The following ZKSCAN5 variants were observed in gnomAD, a reference collection of about 807,000 sequenced individuals.
ZKSCAN5 encodes zinc finger with KRAB and SCAN domains 5.
ZKSCAN5 carries 28 observed loss-of-function variants against 60.0 expected under a neutral mutation model. That is an observed-to-expected ratio of 0.47 (90% CI 0.35 to 0.64). ZKSCAN5 has a LOEUF of 0.64. Ranked by LOEUF, ZKSCAN5 falls within the 30% of genes least tolerant of loss-of-function variation. The pLI is 0.01. For missense variants in ZKSCAN5, 881 were observed against 1,034.6 expected, an observed-to-expected ratio of 0.85 and a Z score of 2.04; for synonymous variants, 361 against 371.2, an observed-to-expected ratio of 0.97 and a Z score of 0.31.
intron 3 of ZKSCAN5, among the ~76,000 whole-genome samples, chr7:99,514,927 T>A (rs80050683): frequency 2.1e-5 from 3 of 142,072 alleles, no homozygotes; most frequent in Admixed American, 7.0e-5. Context: ...AAAAAAAAAA[T>A]GTATTAGCTA....
chr7:99,507,091 C>G (rs1187762898), intron 2 of ZKSCAN5, among the ~76,000 whole-genome samples: 1 of 152,190 alleles, frequency 6.6e-6, no homozygotes, highest in African/African-American at 2.4e-5. Context: ...CAATTTCTCT[C>G]AACTGCCTAG....
chr7:99,509,602 G>A (rs1455177671), intron 2 of ZKSCAN5, among the ~76,000 whole-genome samples: 2 of 151,852 alleles, frequency 1.3e-5, no homozygotes, highest in African/African-American at 2.4e-5. Context: ...AAGTAGCTGG[G>A]ACTACAGGCA....
rs1253862394 is a variant in ZKSCAN5, at chr7:99,533,233, G to T, written c.*984G>T. 19 of 682,416 alleles carry T rather than the reference G, an allele frequency of 2.8e-5. No individual in the cohort carries two copies. Among genetic ancestry groups the T allele is most frequent in the Non-Finnish European group, 3.8e-5 (14 of 372,504 alleles). The allele number at this position is 682,416 out of a possible 1,614,324, so 42.3% of individuals were successfully genotyped here. On this transcript the variant is annotated 3_prime_UTR_variant, in exon 7 of 7. Transcript: ENST00000326775. ...TGAGTTTCAGTTTGCATTGCAGCTGGGATTGAAAGTAATCAGTCGTGAGCA... is the reference window on the plus strand; with the variant it reads ...TGAGTTTCAGTTTGCATTGCAGCTGTGATTGAAAGTAATCAGTCGTGAGCA...
At chr7:99,529,571 A>G (rs1801952066) in intron 6 of ZKSCAN5, among the ~76,000 whole-genome samples, 1 of 152,184 alleles carries the variant, frequency 6.6e-6, no homozygotes, top group South Asian at 2.1e-4. Flanking sequence ...TCCTTTGTGT[A>G]GATATACCCA....
rs1584159355 is a variant in ZKSCAN5, at chr7:99,506,254, A to G, written c.210A>G (p.Gln70=). 1.9e-6 allele frequency: 3 copies of G among 1,614,128 alleles called. No individual in the cohort carries two copies. Among genetic ancestry groups the G allele is most frequent in the East Asian group, 4.5e-5 (2 of 44,878 alleles). ...EASGPREALS[Q]LRVLCCEWLR... ...CAGGACCCCGGGAGGCTCTCAGCCA[A>G]CTCCGGGTGCTCTGCTGTGAGTGGC... The change falls in exon 2 of 7, where the codon CAA becomes CAG. Residue 70 remains glutamine (Q), a synonymous_variant. Coordinates refer to ENST00000326775, the MANE Select transcript of ZKSCAN5 (RefSeq NM_145102.4).
chr7:99,515,452 G>C (rs1005240043), intron 3 of ZKSCAN5, among the ~76,000 whole-genome samples: 3 of 151,940 alleles, frequency 2.0e-5, no homozygotes, highest in Non-Finnish European at 4.4e-5. Context: ...GAAACCACTA[G>C]GATTGTGTGC....
intron 3 of ZKSCAN5, among the ~76,000 whole-genome samples, chr7:99,518,895 C>CT (rs1311915755): frequency 6.6e-6 from 1 of 151,484 alleles, no homozygotes; most frequent in African/African-American, 2.4e-5. Context: ...AGGCTGGTCT[C>CT]TAACTCCTGA....
intron 6 of ZKSCAN5, among the ~76,000 whole-genome samples, chr7:99,528,755 G>A (rs1294123810): frequency 6.6e-6 from 1 of 152,146 alleles, no homozygotes; most frequent in Non-Finnish European, 1.5e-5. Flanking sequence ...ATCAAAGGGG[G>A]AATACATGTT....
Position 99,517,708 on chromosome 7 carries a change from G to A in ZKSCAN5, c.554-2119G>A, listed in dbSNP as rs549731224. Among the ~76,000 whole-genome samples the A allele has an allele frequency of 2.6e-5, 4 of 151,714 alleles. No homozygotes were observed. The South Asian group carries it at 8.3e-4, about 32-fold the overall frequency. On this transcript the variant is annotated intron_variant, in intron 3 of 6. Coordinates refer to ENST00000326775, the MANE Select transcript of ZKSCAN5 (RefSeq NM_145102.4). ...AAAAACAAAACAAAATTAGCCGGGT[G>A]TGGTGGTGGGCGCCTGTAATCCCAG... is the stretch of plus-strand genomic sequence containing the variant.
intron 1 of ZKSCAN5, 59 bp downstream of exon 1, chr7:99,504,792 A>G (rs1043073907): frequency 1.3e-5 from 2 of 152,372 alleles, no homozygotes; most frequent in East Asian, 1.9e-4. Flanking sequence ...AAGAAAACCT[A>G]AGGGCCCCAA....
chr7:99,507,013 A>G (rs1380503904), intron 2 of ZKSCAN5, among the ~76,000 whole-genome samples: 1 of 152,008 alleles, frequency 6.6e-6, no homozygotes, highest in Non-Finnish European at 1.5e-5. Context: ...TTATTTTTTG[A>G]GTGACATGAT....
intron 1 of ZKSCAN5, chr7:99,505,236 G>GTTGGACAGGGCAAGA (rs1021014054): frequency 5.3e-5 from 8 of 151,984 alleles, no homozygotes; most frequent in Admixed American, 2.0e-4. Flanking sequence ...GTTTAACCCC[G>GTTGGACAGGGCAAGA]TTGGACAGGG....
At chr7:99,515,833 C>CAAAA (rs1165846971) in intron 3 of ZKSCAN5, among the ~76,000 whole-genome samples, 2 of 66,778 alleles carry the variant, frequency 3.0e-5, no homozygotes. Flanking sequence ...GACTCCATCT[C>CAAAA]AAAAAAAAAA....
chr7:99,531,255 A>T lies in ZKSCAN5; in HGVS notation c.1526A>T (p.Lys509Met). The T allele has an allele frequency of 6.2e-7, 1 of 1,614,230 alleles. No homozygotes were observed. Among genetic ancestry groups the T allele is most frequent in the Non-Finnish European group, 8.5e-7 (1 of 1,180,040 alleles). Residue 509 changes from lysine (K) to methionine (M), a missense_variant, in exon 7 of 7, where the codon AAG (lysine) becomes ATG (methionine). By Grantham distance (95) the Lys-to-Met change is moderately conservative. Around this residue, in one of 5 missense-constraint regions of ZKSCAN5, gnomAD observed 490 missense variants for 554.5 expected, o/e 0.88. Coordinates refer to ENST00000326775, the MANE Select transcript of ZKSCAN5 (RefSeq NM_145102.4). ...DFGEGCEFQGKLDRKQGIPMK... is the reference protein window; with the variant it reads ...DFGEGCEFQGMLDRKQGIPMK... The stretch of plus-strand genomic sequence containing the variant: ...GGAGAAGGCTGTGAGTTTCAAGGCA[A>T]GCTGGATAGAAAGCAGGGAATTCCC...
chr7:99,519,103 G>A (rs1046750751), intron 3 of ZKSCAN5, among the ~76,000 whole-genome samples: 1 of 151,112 alleles, frequency 6.6e-6, no homozygotes, highest in Non-Finnish European at 1.5e-5. Flanking sequence ...AGCCTCTTGA[G>A]TAGCTGGGAC....
rs767347153 is a variant in ZKSCAN5 at position 99,520,174 on chromosome 7, G to A, written c.642G>A (p.Leu214=). 3.7e-6 allele frequency: 6 copies of A among 1,611,124 alleles called. No individual in the cohort carries two copies. Among genetic ancestry groups the A allele is most frequent in the Non-Finnish European group, 8.5e-7 (1 of 1,179,266 alleles). The part of the protein sequence containing the change: ...ASLLSTGSQK[L]VKIEEVADVA... Reference sequence around the variant, plus strand: ...GTGGAGATCTCCTGTTTCAGAAGTTGGTGAAAATTGAAGAGGTGGCTGATG... The same window carrying A: ...GTGGAGATCTCCTGTTTCAGAAGTTAGTGAAAATTGAAGAGGTGGCTGATG... The change falls in exon 5 of 7, where the codon TTG becomes TTA. Residue 214 remains leucine, a synonymous_variant. Coordinates refer to ENST00000326775, the MANE Select transcript of ZKSCAN5 (RefSeq NM_145102.4).
Position 99,519,828 on chromosome 7 carries a change from C to G in ZKSCAN5, c.555C>G (p.Ala185=), listed in dbSNP as rs765037929. 2 of 1,613,830 alleles carry G rather than the reference C, an allele frequency of 1.2e-6. No individual in the cohort carries two copies. The highest frequency in any genetic ancestry group is 1.7e-6 in the Non-Finnish European group (2 of 1,179,960). ...PQKPRLLEEN[A]LPVLQVPSLP... ...AAACCTCTTTTTCTCCTCCCTTAGCCCTTCCTGTTCTCCAAGTTCCTTCCC... is the reference window on the plus strand; with the variant it reads ...AAACCTCTTTTTCTCCTCCCTTAGCGCTTCCTGTTCTCCAAGTTCCTTCCC... The change falls in exon 4 of 7, where the codon GCC becomes GCG. Residue 185 remains alanine (A), a splice_region_variant and synonymous_variant. Transcript: ENST00000326775.
At chr7:99,521,742 GA>G (rs981622096) in intron 5 of ZKSCAN5, among the ~76,000 whole-genome samples, 4 of 150,924 alleles carry the variant, frequency 2.7e-5, no homozygotes, top group East Asian at 1.9e-4. Context: ...AATTTTTGTG[GA>G]AAAAAATCAA....
intron 6 of ZKSCAN5, among the ~76,000 whole-genome samples, chr7:99,530,009 C>T (rs529645425): frequency 7.5e-5 from 11 of 146,488 alleles, no homozygotes; most frequent in Non-Finnish European, 1.2e-4. Flanking sequence ...TCTGGGATTA[C>T]AGGCGTGAGC....
Sources: gnomAD v4.1 joint callset for allele counts (sites outside exome capture counted in the v4.1 genomes callset) on GRCh38, gnomAD v4.1.1 for gene constraint, gnomAD v4.1.1 regional missense constraint, MANE v1.5 for transcripts, NCBI Gene and HGNC (gene_info 2026-07-23, HGNC 2026-07-21) for gene names.